PTPRQ: variants seen among roughly 807,000 people sequenced by gnomAD.
PTPRQ encodes the protein phosphatidylinositol phosphatase PTPRQ.
A neutral mutation model predicts 246.0 loss-of-function variants in PTPRQ; 199 were observed. The ratio of observed to expected loss-of-function variants is 0.81; its 90% confidence interval spans 0.72 to 0.91. The LOEUF is 0.91. Among genes scored for constraint, PTPRQ ranks in the 40% least tolerant of loss-of-function variants. The pLI is 0.00. For synonymous variants in PTPRQ, 869 were observed against 853.2 expected (o/e 1.02, Z -0.32); for missense variants, 2,624 against 2,528.4 (o/e 1.04, Z -0.81).
At chr12:80,632,601 G>A (rs376943071) in intron 34 of PTPRQ, among the ~76,000 whole-genome samples, 24 of 152,170 alleles carry the variant, frequency 1.6e-4, no homozygotes, top group African/African-American at 5.8e-4. Flanking sequence ...TAAGAGTCCA[G>A]AAGTAGCAAG....
intron 26 of PTPRQ, among the ~76,000 whole-genome samples, chr12:80,601,717 A>G (rs1376820742): frequency 1.3e-5 from 2 of 151,708 alleles, no homozygotes; most frequent in African/African-American, 4.8e-5. Flanking sequence ...ATCCCCTTTT[A>G]TAGAGTCAGA....
chr12:80,616,153 AC>A (rs1433291428), intron 29 of PTPRQ, 46 bp from the exon 30 acceptor site: 7 of 1,391,150 alleles, frequency 5.0e-6, no homozygotes, highest in Non-Finnish European at 6.6e-6. Context: ...ACACACACAT[AC>A]ATAAGCAATC....
rs150686159 is a variant in PTPRQ, at chr12:80,517,176, T to TA, written c.2678+6740dup. Reference sequence around the variant, plus strand: ...TAAATTTAGAATTGATTGTCAGTGTTAAAAAAATGAGTAGATCTCTTGTAA... The same window carrying TA: ...TAAATTTAGAATTGATTGTCAGTGTTAAAAAAAATGAGTAGATCTCTTGTAA... On this transcript the variant is annotated intron_variant, in intron 17 of 44. Coordinates refer to ENST00000644991, the MANE Select transcript of PTPRQ (RefSeq NM_001145026.2). 7.9e-3 allele frequency among the ~76,000 whole-genome samples: 1,205 copies of TA among 152,186 alleles called. 16 individuals carry two copies. The highest frequency in any genetic ancestry group is 0.028 in the African/African-American group (1,143 of 41,538).
chr12:80,673,763 T>C (rs1441815962), intron 43 of PTPRQ, among the ~76,000 whole-genome samples: 5 of 152,184 alleles, frequency 3.3e-5, no homozygotes, highest in African/African-American at 1.2e-4. Context: ...TAATGATTAT[T>C]GTAGCACGCT....
chr12:80,616,431 G>T (rs1187882490), intron 30 of PTPRQ, among the ~76,000 whole-genome samples, 165 bp downstream of exon 30: 1 of 150,842 alleles, frequency 6.6e-6, no homozygotes. Context: ...AGTTAAAAAC[G>T]TTTAAATGAT....
At chr12:80,599,813 A>T (rs1898084317) in intron 26 of PTPRQ, among the ~76,000 whole-genome samples, 1 of 151,128 alleles carries the variant, frequency 6.6e-6, no homozygotes, top group African/African-American at 2.4e-5. Flanking sequence ...TCAAACAGTT[A>T]CCTTTCATTG....
intron 18 of PTPRQ, 141 bp downstream of exon 18, chr12:80,534,316 C>A: frequency 3.2e-6 from 3 of 924,268 alleles, no homozygotes; most frequent in Non-Finnish European, 4.5e-6. Context: ...GCATTTTGAT[C>A]ACTTTTTAGC....
In PTPRQ at chr12:80,459,492, C is replaced by T. The variant is rs1214857346; in HGVS notation, c.660+9C>T. The T allele has an allele frequency of 7.5e-6, 3 of 398,002 alleles. No homozygotes were observed. Among genetic ancestry groups the T allele is most frequent in the Non-Finnish European group, 1.3e-5 (3 of 225,902 alleles). The allele number at this position is 398,002 out of a possible 1,614,324, so 24.7% of individuals were successfully genotyped here. On this transcript the variant is annotated intron_variant, in intron 5 of 44. Transcript: ENST00000644991. ...AATTGCCAGAATGCAATGTAAGTAT[C>T]ACAGAACACTTTCTATGTCTTGAAA...
intron 9 of PTPRQ, among the ~76,000 whole-genome samples, chr12:80,486,436 T>C (rs905563672): frequency 6.6e-6 from 1 of 152,120 alleles, no homozygotes; most frequent in African/African-American, 2.4e-5. Context: ...TTTCAGGAGA[T>C]TGATGTGGGG....
Position 80,484,420 on chromosome 12 carries a change from C to A in PTPRQ, c.1187-13C>A. On this transcript the variant is annotated splice_polypyrimidine_tract_variant and intron_variant, in intron 8 of 44. Coordinates refer to ENST00000644991, the MANE Select transcript of PTPRQ (RefSeq NM_001145026.2). ...TTTCCCCCTTTTCTTTTCTTTCTTTCTTTCTTTCTTAGTTCCAGGGGCAGT... is the reference window on the plus strand; with the variant it reads ...TTTCCCCCTTTTCTTTTCTTTCTTTATTTCTTTCTTAGTTCCAGGGGCAGT... 1 of 1,512,348 alleles carries A rather than the reference C, an allele frequency of 6.6e-7. No homozygotes were observed. Among genetic ancestry groups the A allele is most frequent in the Non-Finnish European group, 8.8e-7 (1 of 1,132,960 alleles). The allele number at this position is 1,512,348 out of a possible 1,614,324, so 93.7% of individuals were successfully genotyped here. A position where few individuals can be genotyped will look rare whatever the true frequency, so the allele number is the denominator to read the frequency against.
chr12:80,537,831 C>G (rs1366389653), intron 19 of PTPRQ, among the ~76,000 whole-genome samples: 1 of 152,008 alleles, frequency 6.6e-6, no homozygotes, highest in Admixed American at 6.6e-5. Flanking sequence ...TTAAATGGGC[C>G]GGGTGTGGTG....
intron 14 of PTPRQ, among the ~76,000 whole-genome samples, chr12:80,502,495 T>C (rs1894833531): frequency 2.0e-5 from 3 of 151,986 alleles, no homozygotes; most frequent in Admixed American, 1.3e-4. Flanking sequence ...CATTTTCAGC[T>C]ATTACACTGG....
chr12:80,560,427 C>T (rs957005463), intron 25 of PTPRQ, among the ~76,000 whole-genome samples: 2 of 152,120 alleles, frequency 1.3e-5, no homozygotes, highest in East Asian at 3.9e-4. Flanking sequence ...CACCTACTAC[C>T]CATACTAACT....
chr12:80,453,283 G>A (rs1892840806), intron 3 of PTPRQ, among the ~76,000 whole-genome samples: 1 of 152,032 alleles, frequency 6.6e-6, no homozygotes, highest in South Asian at 2.1e-4. Flanking sequence ...TTTTTTCATA[G>A]TTTTCAACTT....
At chr12:80,658,277 C>T (rs993836596) in intron 39 of PTPRQ, among the ~76,000 whole-genome samples, 3 of 151,964 alleles carry the variant, frequency 2.0e-5, no homozygotes, top group Non-Finnish European at 2.9e-5. Flanking sequence ...TTCACCAGTG[C>T]GCGGCAGATG....
At chr12:80,509,995 A>G (rs1156516324) in intron 16 of PTPRQ, among the ~76,000 whole-genome samples, 1 of 152,026 alleles carries the variant, frequency 6.6e-6, no homozygotes, top group Non-Finnish European at 1.5e-5. Flanking sequence ...ATTCACCCTC[A>G]ATAAAATTTT....
chr12:80,583,171 A>G (rs1897500316), intron 25 of PTPRQ, among the ~76,000 whole-genome samples: 1 of 152,198 alleles, frequency 6.6e-6, no homozygotes, highest in Admixed American at 6.5e-5. Flanking sequence ...AGCCAAATAA[A>G]GTCCCCTGTT....
chr12:80,503,735 A>G (rs1307715793), intron 14 of PTPRQ, among the ~76,000 whole-genome samples: 1 of 151,748 alleles, frequency 6.6e-6, no homozygotes, highest in Non-Finnish European at 1.5e-5. Context: ...GGCCACTCTG[A>G]TCTTTCATCT....
rs140469064 is a variant in PTPRQ, at chr12:80,582,435, C to T, written c.4286-5694C>T. ...TGTAGTCCTAACTCCCTGTGTGATG[C>T]TATTAGAAGGTGAGGCCTTTCAGAG... On this transcript the variant is annotated intron_variant, in intron 25 of 44. Coordinates refer to ENST00000644991, the MANE Select transcript of PTPRQ (RefSeq NM_001145026.2). Among the ~76,000 whole-genome samples, 100 of 152,244 alleles carry T rather than the reference C, an allele frequency of 6.6e-4. 1 individual carries two copies. In the East Asian group the frequency reaches 0.019, roughly 28 times the overall value.
Sources: allele counts gnomAD v4.1 joint callset (sites outside exome capture counted in the v4.1 genomes callset), GRCh38; gene constraint gnomAD v4.1.1; transcripts MANE v1.5; gene names NCBI Gene and HGNC (gene_info 2026-07-23, HGNC 2026-07-21).